PCDHA1: variants seen among roughly 807,000 people sequenced by gnomAD.
PCDHA1 encodes protocadherin alpha 1, also known as protocadherin alpha-1.
A neutral mutation model predicts 61.3 loss-of-function variants in PCDHA1; 42 were observed. The observed-to-expected ratio is 0.69, with a 90% confidence interval of 0.54 to 0.89. The LOEUF (loss-of-function observed/expected upper bound fraction) is 0.89, where lower values mean the gene tolerates loss of function less well. Among genes scored for constraint, PCDHA1 ranks in the 40% least tolerant of loss-of-function variants. The pLI is 0.00. For synonymous variants in PCDHA1, 610 were observed against 553.8 expected, an observed-to-expected ratio of 1.10 and a Z score of -1.43; for missense variants, 1,256 against 1,235.3, an observed-to-expected ratio of 1.02 and a Z score of -0.25.
At chr5:140,792,556 C>T (rs781878427) in intron 1 of PCDHA1, among the ~76,000 whole-genome samples, 1 of 152,186 alleles carries the variant, frequency 6.6e-6, no homozygotes, top group Non-Finnish European at 1.5e-5. Flanking sequence ...AGTATTCTAT[C>T]TCCGGGGGAA....
At chr5:140,981,583 T>TA (rs2096939530) in intron 2 of PCDHA1, among the ~76,000 whole-genome samples, 1 of 152,098 alleles carries the variant, frequency 6.6e-6, no homozygotes, top group Non-Finnish European at 1.5e-5. Flanking sequence ...CAAAAATAAA[T>TA]AAAATAAAAC....
intron 1 of PCDHA1, chr5:140,863,681 T>C (rs2048119190): frequency 6.8e-6 from 2 of 294,950 alleles, no homozygotes; most frequent in Non-Finnish European, 1.3e-5. Flanking sequence ...TTTTGCTTTT[T>C]CTTTTGAGAT....
chr5:140,955,658 AT>A (rs1187332497), intron 1 of PCDHA1, among the ~76,000 whole-genome samples: 1 of 152,156 alleles, frequency 6.6e-6, no homozygotes, highest in African/African-American at 2.4e-5. Flanking sequence ...ACACATATGA[AT>A]TTTAACATAG....
At chr5:140,870,956 G>A (rs1554164932) in intron 1 of PCDHA1, 1 of 1,613,634 alleles carries the variant, frequency 6.2e-7, no homozygotes, top group Non-Finnish European at 8.5e-7. Context: ...GGCGGCTCGC[G>A]CATCCCGTTC....
Position 140,848,404 on chromosome 5 carries a change from G to T in PCDHA1, c.2394+59720G>T, listed in dbSNP as rs2150409981. The stretch of plus-strand genomic sequence containing the variant: ...TTCACTCTCTCTGTGCTGAACGATG[G>T]CGAACACAGCAGAATGGGACTGACG... On this transcript the variant is annotated intron_variant, in intron 1 of 3. Coordinates refer to ENST00000504120, the MANE Select transcript of PCDHA1 (RefSeq NM_018900.4). 7 of 1,324,350 alleles carry T rather than the reference G, an allele frequency of 5.3e-6. 2 individuals are homozygous for T. In the Admixed American group the frequency reaches 1.3e-4, roughly 24 times the overall value. 82.0% of individuals were successfully genotyped at this position (1,324,350 alleles called of 1,614,324 possible).
rs189687890 is a variant in PCDHA1 at position 140,972,728 on chromosome 5, A to G, written c.2395-6221A>G. ...TGCCAGGCTGGAGTGCAGTGGCGTA[A>G]TCCCGGCTCACTGCAACCTCCGCCT... On this transcript the variant is annotated intron_variant, in intron 1 of 3. Transcript: ENST00000504120. Among the ~76,000 whole-genome samples the G allele has an allele frequency of 6.0e-3, 882 of 147,958 alleles. 8 individuals carry two copies. Among genetic ancestry groups the G allele is most frequent in the African/African-American group, 0.021 (847 of 39,742 alleles).
chr5:140,942,618 GT>G (rs1372135994), intron 1 of PCDHA1, among the ~76,000 whole-genome samples: 1 of 97,742 alleles, frequency 1.0e-5, no homozygotes, highest in African/African-American at 5.0e-5. Context: ...TTTGCCAATT[GT>G]AAAAAAAAAA....
chr5:141,005,697 G>A (rs1197870932), intron 3 of PCDHA1, among the ~76,000 whole-genome samples: 75 of 78,728 alleles, frequency 9.5e-4, no homozygotes, highest in Admixed American at 6.2e-4. Context: ...GCGAAACTCC[G>A]TCTCAAAAAA....
rs57893927 is a variant in PCDHA1, at chr5:140,946,631, T to TATATATATATATATATAC, written c.2395-32317_2395-32316insTATATATATATATATACA. Among the ~76,000 whole-genome samples, 374 of 131,796 alleles carry TATATATATATATATATAC rather than the reference T, an allele frequency of 2.8e-3. 24 individuals carry two copies. The highest frequency in any genetic ancestry group is 0.011 in the African/African-American group (320 of 28,670). 86.5% of individuals were successfully genotyped at this position (131,796 alleles called of 152,430 possible). ...TGTGAAATATATATATATATATATA[T>TATATATATATATATATAC]ACAATGGAATACTCATCAGCCATTA... On this transcript the variant is annotated intron_variant, in intron 1 of 3. Coordinates refer to ENST00000504120, the MANE Select transcript of PCDHA1 (RefSeq NM_018900.4).
At position 140,854,099 on chromosome 5, in the gene PCDHA1, C is replaced by T. The variant is rs139574544; in HGVS notation, c.2394+65415C>T. 48 of 268,552 alleles carry T rather than the reference C, an allele frequency of 1.8e-4. 2 individuals are homozygous for T. Among genetic ancestry groups the T allele is most frequent in the African/African-American group, 8.8e-4 (36 of 40,902 alleles). 16.6% of individuals were successfully genotyped at this position (268,552 alleles called of 1,614,324 possible). The stretch of plus-strand genomic sequence containing the variant: ...ATCGCTTGAGCCTGGGACATTGAGG[C>T]TGCAGTGAACTGTGATGGCACAACT... On this transcript the variant is annotated intron_variant, in intron 1 of 3. Transcript: ENST00000504120.
chr5:140,797,207 G>T lies in PCDHA1; in HGVS notation c.2394+8523G>T, dbSNP rs781924677. 32 of 1,614,194 alleles carry T rather than the reference G, an allele frequency of 2.0e-5. No homozygotes were observed. Among genetic ancestry groups the T allele is most frequent in the Non-Finnish European group, 2.6e-5 (31 of 1,180,038 alleles). On this transcript the variant is annotated intron_variant, in intron 1 of 3. Coordinates refer to ENST00000504120, the MANE Select transcript of PCDHA1 (RefSeq NM_018900.4). The stretch of plus-strand genomic sequence containing the variant: ...GTGTGCTCCAGCGCCGTGGGGAGCT[G>T]GTCTTACTCGCAGCAGAGGCGGCAG...
chr5:140,917,955 C>T (rs1439909877), intron 1 of PCDHA1, among the ~76,000 whole-genome samples: 1 of 151,916 alleles, frequency 6.6e-6, no homozygotes, highest in Admixed American at 6.6e-5. Context: ...TTGATAGGAA[C>T]ATCATTGAAT....
chr5:140,797,291 T>C lies in PCDHA1; in HGVS notation c.2394+8607T>C, dbSNP rs567979520. The C allele has an allele frequency of 2.8e-5, 46 of 1,614,228 alleles. No individual in the cohort carries two copies. The East Asian group carries it at 8.9e-4, about 31-fold the overall frequency. ...GACCTCATGGCCTTCAGCCCTAGCTTATCTCAAGGTCCAGACTCCGCAGAA... is the reference window on the plus strand; with the variant it reads ...GACCTCATGGCCTTCAGCCCTAGCTCATCTCAAGGTCCAGACTCCGCAGAA... On this transcript the variant is annotated intron_variant, in intron 1 of 3. Transcript: ENST00000504120.
In PCDHA1 at chr5:140,882,450, C is replaced by A. The variant is rs781827745; in HGVS notation, c.2394+93766C>A. On this transcript the variant is annotated intron_variant, in intron 1 of 3. Transcript: ENST00000504120. ...GGGCTGGAGCTGGCGGAGCTGGTGC[C>A]GCGCCTGTTCCGGGTGGCGTCCAAA... The A allele has an allele frequency of 1.7e-5, 28 of 1,613,872 alleles. No individual in the cohort carries two copies. In the East Asian group the frequency reaches 4.5e-4, roughly 26 times the overall value.
At chr5:140,848,964 G>C in intron 1 of PCDHA1, 1 of 1,606,312 alleles carries the variant, frequency 6.2e-7, no homozygotes, top group Non-Finnish European at 8.5e-7. Flanking sequence ...ACTAGAGGGC[G>C]CGTCCGATGC....
chr5:140,972,287 G>T (rs2096528818), intron 1 of PCDHA1, among the ~76,000 whole-genome samples: 1 of 151,036 alleles, frequency 6.6e-6, no homozygotes, highest in Non-Finnish European at 1.5e-5. Flanking sequence ...CCATAGATGT[G>T]CGCCACCGTG....
chr5:140,990,808 C>G (rs537926285), intron 3 of PCDHA1, among the ~76,000 whole-genome samples: 18 of 152,212 alleles, frequency 1.2e-4, no homozygotes, highest in Non-Finnish European at 2.4e-4. Context: ...ACAGAAGAAG[C>G]TCCCTTCTCT....
chr5:140,808,485 C>T, intron 1 of PCDHA1: 1 of 1,614,176 alleles, frequency 6.2e-7, no homozygotes, highest in East Asian at 2.2e-5. Flanking sequence ...GGGGGCTCGC[C>T]TTCGCTGTGG....
chr5:140,857,567 G>T (rs139473255), intron 1 of PCDHA1: 8 of 1,596,870 alleles, frequency 5.0e-6, no homozygotes, highest in African/African-American at 2.7e-5. Flanking sequence ...GTCGAGCTAC[G>T]TGTCGGTGCA....
Sources: gnomAD v4.1 joint callset for allele counts (sites outside exome capture counted in the v4.1 genomes callset) on GRCh38, gnomAD v4.1.1 for gene constraint, MANE v1.5 for transcripts, NCBI Gene and HGNC (gene_info 2026-07-23, HGNC 2026-07-21) for gene names.